The following PDE11A variants were observed in gnomAD, a reference collection of about 807,000 sequenced individuals.
PDE11A encodes dual 3',5'-cyclic-AMP and -GMP phosphodiesterase 11A.
Under a neutral mutation model 100.5 loss-of-function variants are expected in PDE11A, and 100 were observed. The ratio of observed to expected loss-of-function variants is 1.00; its 90% CI spans 0.85 to 1.18. The LOEUF is 1.18. Ranked by LOEUF, PDE11A falls within the 50% of genes most tolerant of loss-of-function variation. PDE11A has a pLI of 0.00. For synonymous variants in PDE11A, 381 were observed against 420.8 expected (o/e 0.91, Z 1.16); for missense variants, 1,141 against 1,152.6 (o/e 0.99, Z 0.15).
At chr2:177,865,676 G>A (rs1305682099) in intron 5 of PDE11A, among the ~76,000 whole-genome samples, 1 of 149,924 alleles carries the variant, frequency 6.7e-6, no homozygotes, top group African/African-American at 2.5e-5. Context: ...CCATAAAAAA[G>A]AATGAAGGAA....
intron 5 of PDE11A, among the ~76,000 whole-genome samples, chr2:177,871,824 G>A (rs2084141619): frequency 6.6e-6 from 1 of 151,934 alleles, no homozygotes. Flanking sequence ...TTGCACCACT[G>A]CACTCTTGCC....
At chr2:178,089,502 A>G (rs1466908563) in intron 2 of PDE11A, among the ~76,000 whole-genome samples, 4 of 152,220 alleles carry the variant, frequency 2.6e-5, no homozygotes, top group African/African-American at 9.6e-5. Context: ...ATACTTGCTG[A>G]AGGCAGGCCA....
chr2:177,670,173 G>A (rs2080655732), intron 17 of PDE11A, among the ~76,000 whole-genome samples: 4 of 152,134 alleles, frequency 2.6e-5, no homozygotes, highest in Admixed American at 1.3e-4. Context: ...TTTACAGTAG[G>A]TCACGGTATA....
Position 178,072,527 on chromosome 2 carries a change from C to A in PDE11A, c.-90G>T. 1 of 1,575,638 alleles carries A rather than the reference C, an allele frequency of 6.3e-7. No homozygotes were observed. Among genetic ancestry groups the A allele is most frequent in the Non-Finnish European group, 8.6e-7 (1 of 1,167,266 alleles). The stretch of plus-strand genomic sequence containing the variant: ...TAGCTGTTCCTGCACATGTTCACCC[C>A]CACCAGTATTCCCAGTTCAGCGCCA... On this transcript the variant is annotated 5_prime_UTR_variant, in exon 1 of 20. Transcript: ENST00000286063.
intron 2 of PDE11A, among the ~76,000 whole-genome samples, chr2:178,002,660 T>C (rs988364941): frequency 4.6e-5 from 7 of 152,154 alleles, no homozygotes; most frequent in African/African-American, 1.7e-4. Context: ...GTTTATTTTC[T>C]AGTTAAAAAA....
chr2:177,932,359 GA>G (rs2085218778), intron 2 of PDE11A, among the ~76,000 whole-genome samples: 1 of 152,010 alleles, frequency 6.6e-6, no homozygotes, highest in Non-Finnish European at 1.5e-5. Context: ...AATGAAAAAA[GA>G]AAACTACAGG....
chr2:177,800,183 CTTT>C (rs11367453), intron 9 of PDE11A, among the ~76,000 whole-genome samples: 1 of 145,860 alleles, frequency 6.9e-6, no homozygotes. Flanking sequence ...AAAAATTTTT[CTTT>C]TTTTTTTTTG....
At chr2:178,051,160 A>G (rs1378002785) in intron 1 of PDE11A, among the ~76,000 whole-genome samples, 32 of 152,336 alleles carry the variant, frequency 2.1e-4, no homozygotes, top group African/African-American at 5.8e-4. Context: ...TGGATCTCTC[A>G]GCAGAAACTC....
intron 1 of PDE11A, among the ~76,000 whole-genome samples, chr2:178,062,478 A>G (rs893480187): frequency 4.7e-4 from 71 of 152,172 alleles, no homozygotes; most frequent in African/African-American, 1.5e-3. Flanking sequence ...GGCCATTAGA[A>G]AGAGGGAATT....
intron 1 of PDE11A, among the ~76,000 whole-genome samples, chr2:178,025,935 A>G (rs2086472986): frequency 6.6e-6 from 1 of 152,194 alleles, no homozygotes; most frequent in Admixed American, 6.5e-5. Flanking sequence ...AAATAAGGGG[A>G]AGGGAACTAT....
chr2:177,910,623 CGGCTTGAA>C (rs1559002556), intron 2 of PDE11A, among the ~76,000 whole-genome samples: 3 of 150,936 alleles, frequency 2.0e-5, no homozygotes, highest in Non-Finnish European at 4.4e-5. Context: ...CAGCACTTTT[CGGCTTGAA>C]AGCACTTTAT....
intron 4 of PDE11A, among the ~76,000 whole-genome samples, chr2:177,882,398 T>C (rs1461116755): frequency 6.6e-6 from 1 of 152,172 alleles, no homozygotes; most frequent in African/African-American, 2.4e-5. Context: ...CAATACCAAA[T>C]AGGTGAAGGC....
At position 177,946,044 on chromosome 2, in the gene PDE11A, A is replaced by T. The variant is rs1398019027; in HGVS notation, c.1072-40857T>A. Among the ~76,000 whole-genome samples, 3 of 124,994 alleles carry T rather than the reference A, an allele frequency of 2.4e-5. No individual in the cohort carries two copies. The South Asian group carries it at 8.6e-4, about 36-fold the overall frequency. The allele number at this position is 124,994 out of a possible 152,430, so 82.0% of individuals were successfully genotyped here. ...CACCCGGCCAGCCGCCCCGTCCGGG[A>T]GGGAGGTGGGGGGGTCAGCCCCCCG... On this transcript the variant is annotated intron_variant, in intron 2 of 19. Coordinates refer to ENST00000286063, the MANE Select transcript of PDE11A (RefSeq NM_016953.4).
intron 2 of PDE11A, among the ~76,000 whole-genome samples, chr2:177,987,067 A>G (rs1464284085): frequency 6.6e-6 from 1 of 152,202 alleles, no homozygotes; most frequent in Non-Finnish European, 1.5e-5. Context: ...TAACCAATTG[A>G]TATCTACTTA....
chr2:177,711,547 G>C (rs942878415), intron 13 of PDE11A, among the ~76,000 whole-genome samples: 2 of 152,188 alleles, frequency 1.3e-5, no homozygotes, highest in Non-Finnish European at 2.9e-5. Flanking sequence ...AAGGTCAACA[G>C]AGACCGACCA....
intron 15 of PDE11A, among the ~76,000 whole-genome samples, chr2:177,695,772 C>T (rs2081102594): frequency 6.6e-6 from 1 of 152,172 alleles, no homozygotes; most frequent in Non-Finnish European, 1.5e-5. Flanking sequence ...TACTGATTTT[C>T]TAGCAATCTC....
chr2:177,812,875 A>T (rs1383233605), intron 9 of PDE11A, among the ~76,000 whole-genome samples: 1 of 152,200 alleles, frequency 6.6e-6, no homozygotes, highest in Non-Finnish European at 1.5e-5. Flanking sequence ...CCACTTTCCA[A>T]CCTTCCTCAG....
intron 10 of PDE11A, among the ~76,000 whole-genome samples, chr2:177,752,214 A>C (rs148041026): frequency 6.1e-4 from 93 of 152,306 alleles, no homozygotes; most frequent in African/African-American, 2.0e-3. Flanking sequence ...ATTCTCTTCA[A>C]TGTTCTACTC....
intron 17 of PDE11A, among the ~76,000 whole-genome samples, chr2:177,673,562 G>A (rs1053869964): frequency 2.6e-5 from 4 of 151,908 alleles, no homozygotes; most frequent in Non-Finnish European, 4.4e-5. Flanking sequence ...GTGTGTGTAG[G>A]TCTTTAATCT....
Sources: gnomAD v4.1 joint callset for allele counts (sites outside exome capture counted in the v4.1 genomes callset) on GRCh38, gnomAD v4.1.1 for gene constraint, MANE v1.5 for transcripts, NCBI Gene and HGNC (gene_info 2026-07-23, HGNC 2026-07-21) for gene names.